The following TRPC4 variants were observed in gnomAD, a reference collection of about 807,000 sequenced individuals.
TRPC4 encodes the protein transient receptor potential cation channel subfamily C member 4, also known as short transient receptor potential channel 4.
A neutral mutation model predicts 99.4 loss-of-function variants in TRPC4; 49 were observed. That is an observed-to-expected ratio of 0.49 (90% CI 0.39 to 0.63). TRPC4 has a LOEUF of 0.63. Among genes scored for constraint, TRPC4 ranks in the 20% least tolerant of loss-of-function variants. The pLI is 0.00. For missense variants in TRPC4, 898 were observed against 1,152.9 expected, an observed-to-expected ratio of 0.78 and a Z score of 3.20; for synonymous variants, 454 against 425.9, an observed-to-expected ratio of 1.07 and a Z score of -0.81.
At chr13:37,690,617 T>A (rs1220100574) in intron 4 of TRPC4, among the ~76,000 whole-genome samples, 1 of 152,202 alleles carries the variant, frequency 6.6e-6, no homozygotes, top group Non-Finnish European at 1.5e-5. Context: ...TTTTTCTAAT[T>A]TAAACAAGAT....
intron 3 of TRPC4, among the ~76,000 whole-genome samples, chr13:37,715,923 G>A (rs1179966687): frequency 6.6e-6 from 1 of 152,236 alleles, no homozygotes; most frequent in East Asian, 1.9e-4. Flanking sequence ...CAGATACAGC[G>A]AAGTGACTCA....
chr13:37,846,659 T>A (rs1401665807), intron 1 of TRPC4, among the ~76,000 whole-genome samples: 2 of 146,120 alleles, frequency 1.4e-5, no homozygotes, highest in East Asian at 2.0e-4. Context: ...AAAAAAAACA[T>A]ATAAAATAAT....
chr13:37,673,559 G>T (rs1327208274), intron 5 of TRPC4, among the ~76,000 whole-genome samples: 3 of 151,868 alleles, frequency 2.0e-5, no homozygotes, highest in African/African-American at 7.3e-5. Flanking sequence ...AATCAGTGAA[G>T]GAGAGAAGAT....
chr13:37,865,916 C>T (rs1030745537), intron 1 of TRPC4, among the ~76,000 whole-genome samples: 15 of 151,668 alleles, frequency 9.9e-5, no homozygotes, highest in African/African-American at 3.6e-4. Flanking sequence ...TGAAAAATAG[C>T]TTTCTTTTTC....
intron 1 of TRPC4, among the ~76,000 whole-genome samples, chr13:37,791,864 A>G (rs1465708247): frequency 6.6e-6 from 1 of 152,160 alleles, no homozygotes; most frequent in Non-Finnish European, 1.5e-5. Context: ...ATTTTGAGGC[A>G]GGAGGAACAG....
At chr13:37,653,279 T>C (rs1006823561) in intron 7 of TRPC4, among the ~76,000 whole-genome samples, 7 of 152,126 alleles carry the variant, frequency 4.6e-5, no homozygotes. Flanking sequence ...AATTAACAAA[T>C]GAGTGAATGG....
chr13:37,822,504 A>G (rs1302388680), intron 1 of TRPC4, among the ~76,000 whole-genome samples: 4 of 139,882 alleles, frequency 2.9e-5, no homozygotes, highest in African/African-American at 1.1e-4. Flanking sequence ...CCCATCTATG[A>G]GTGAGAATAT....
At chr13:37,735,962 G>T (rs1404449843) in intron 3 of TRPC4, among the ~76,000 whole-genome samples, 1 of 152,122 alleles carries the variant, frequency 6.6e-6, no homozygotes, top group Non-Finnish European at 1.5e-5. Context: ...TTTATACGAT[G>T]TTTTGGACAC....
At chr13:37,820,175 T>G (rs755693676) in intron 1 of TRPC4, among the ~76,000 whole-genome samples, 1 of 151,942 alleles carries the variant, frequency 6.6e-6, no homozygotes, top group Non-Finnish European at 1.5e-5. Flanking sequence ...GCTTTATGCA[T>G]ACAAACTAGA....
intron 8 of TRPC4, among the ~76,000 whole-genome samples, chr13:37,640,951 G>A (rs1951697219): frequency 6.6e-6 from 1 of 152,094 alleles, no homozygotes; most frequent in African/African-American, 2.4e-5. Context: ...TCACTACTGT[G>A]TTTTAGAATC....
intron 1 of TRPC4, among the ~76,000 whole-genome samples, chr13:37,855,880 A>G (rs1216471720): frequency 6.6e-6 from 1 of 151,936 alleles, no homozygotes; most frequent in Non-Finnish European, 1.5e-5. Flanking sequence ...ATACAGCTAA[A>G]GCAGTACTAA....
intron 3 of TRPC4, among the ~76,000 whole-genome samples, chr13:37,743,887 A>T (rs1182017656): frequency 9.9e-5 from 15 of 152,106 alleles, no homozygotes; most frequent in Admixed American, 9.8e-4. Flanking sequence ...CACAAAAGTT[A>T]TTGTGGCCAA....
At chr13:37,660,374 G>C (rs775355731) in intron 6 of TRPC4, among the ~76,000 whole-genome samples, 1 of 152,122 alleles carries the variant, frequency 6.6e-6, no homozygotes, top group African/African-American at 2.4e-5. Flanking sequence ...TGATAAGAAG[G>C]CTCCAGGTGA....
chr13:37,822,133 A>T (rs1485208142), intron 1 of TRPC4, among the ~76,000 whole-genome samples: 1 of 152,052 alleles, frequency 6.6e-6, no homozygotes, highest in African/African-American at 2.4e-5. Context: ...ACCCCATTAA[A>T]AAGTGGACAT....
At chr13:37,868,900 C>A (rs1396560455) in intron 1 of TRPC4, among the ~76,000 whole-genome samples, 2 of 152,140 alleles carry the variant, frequency 1.3e-5, no homozygotes, top group Non-Finnish European at 2.9e-5. Context: ...TCGCAAAAGA[C>A]AGCTGACTTC....
At chr13:37,754,101 A>C (rs1956032004) in intron 2 of TRPC4, among the ~76,000 whole-genome samples, 1 of 152,164 alleles carries the variant, frequency 6.6e-6, no homozygotes, top group Non-Finnish European at 1.5e-5. Flanking sequence ...AATTTAAGGA[A>C]GTCTAAAATA....
chr13:37,768,780 A>G (rs747403778), intron 2 of TRPC4, among the ~76,000 whole-genome samples: 17 of 151,374 alleles, frequency 1.1e-4, no homozygotes, highest in Non-Finnish European at 2.2e-4. Flanking sequence ...CCCACAGAAA[A>G]TATACTGAAG....
At chr13:37,697,886 A>T (rs1222287219) in intron 3 of TRPC4, among the ~76,000 whole-genome samples, 3 of 152,106 alleles carry the variant, frequency 2.0e-5, no homozygotes, top group Non-Finnish European at 2.9e-5. Flanking sequence ...ATTCAGTGTA[A>T]ATATATATTC....
chr13:37,819,206 A>G (rs190572140), intron 1 of TRPC4, among the ~76,000 whole-genome samples: 3 of 152,156 alleles, frequency 2.0e-5, no homozygotes, highest in Admixed American at 2.0e-4. Context: ...GTAGAGAAAA[A>G]GAAATGCTTA....
Sources: allele counts gnomAD v4.1 joint callset (sites outside exome capture counted in the v4.1 genomes callset), GRCh38; gene constraint gnomAD v4.1.1; transcripts MANE v1.5; gene names NCBI Gene and HGNC (gene_info 2026-07-23, HGNC 2026-07-21).